FRAS1: variants seen among roughly 807,000 people sequenced by gnomAD.
The protein encoded by FRAS1 is Fraser extracellular matrix complex subunit 1.
In FRAS1, 290 loss-of-function variants were observed where a neutral mutation model predicts 435.2. That is an observed-to-expected ratio of 0.67 (90% CI 0.61 to 0.73). FRAS1 has a LOEUF of 0.73. Among genes scored for constraint, FRAS1 ranks in the 30% least tolerant of loss-of-function variants. The pLI is 0.00. For synonymous variants in FRAS1, 1,800 were observed against 1,851.0 expected (o/e 0.97, Z 0.71); for missense variants, 4,860 against 5,001.5 (o/e 0.97, Z 0.85).
intron 2 of FRAS1, among the ~76,000 whole-genome samples, chr4:78,151,751 T>C (rs1288864038): frequency 6.6e-6 from 1 of 152,134 alleles, no homozygotes; most frequent in Non-Finnish European, 1.5e-5. Flanking sequence ...AAGCATTCGG[T>C]TGCAATTCTC....
chr4:78,450,592 AG>A (rs1718990605), intron 45 of FRAS1: 1 of 450,214 alleles, frequency 2.2e-6, no homozygotes, highest in South Asian at 2.6e-5. Context: ...GGAGAGAAAA[AG>A]TTATTTTGAC....
intron 25 of FRAS1, 113 bp from the exon 26 acceptor site, chr4:78,375,626 A>T: frequency 1.2e-6 from 1 of 836,620 alleles, no homozygotes; most frequent in Non-Finnish European, 1.8e-6. Context: ...CTTTTGTTAC[A>T]GTTGGGGCTC....
In FRAS1 at chr4:78,400,720, T is replaced by C. The variant is rs775322788; in HGVS notation, c.3976-14T>C. 6.2e-7 allele frequency: 1 copy of C among 1,608,574 alleles called. No individual in the cohort carries two copies. Among genetic ancestry groups the C allele is most frequent in the Admixed American group, 1.7e-5 (1 of 58,414 alleles). The stretch of plus-strand genomic sequence containing the variant: ...TTTGCTTGGAACTAATTCTGCATTT[T>C]ATTTTTATTTCAGAATGACAGGGGT... On this transcript the variant is annotated splice_polypyrimidine_tract_variant and intron_variant, in intron 29 of 73. Coordinates refer to ENST00000512123, the MANE Select transcript of FRAS1 (RefSeq NM_025074.7).
In FRAS1 at chr4:78,384,088, A is replaced by T. The variant is rs761113187; in HGVS notation, c.3593A>T (p.Asp1198Val). Residue 1198 changes from aspartate (D) to valine (V), a missense_variant, in exon 28 of 74, where the codon GAC becomes GTC. Coordinates refer to ENST00000512123, the MANE Select transcript of FRAS1 (RefSeq NM_025074.7). ...GGTTACCTTTTCCTGAAAATTAGTG[A>T]CCAGCAGTTCTTCTCTGAGCCACAG... is the stretch of plus-strand genomic sequence containing the variant. Reference protein sequence around the residue: ...RKGYLFLKISDQQFFSEPQLI... With the variant: ...RKGYLFLKISVQQFFSEPQLI... 3.3e-5 allele frequency: 53 copies of T among 1,607,446 alleles called. No homozygotes were observed. The highest frequency in any genetic ancestry group is 4.4e-5 in the Non-Finnish European group (52 of 1,178,116).
chr4:78,237,495 T>C lies in FRAS1; in HGVS notation c.109-15T>C. ...ACTGATCAGTTTTTAAATCAGAGCT[T>C]ATGCCTCTTTACAGGATGCCACAAT... On this transcript the variant is annotated splice_polypyrimidine_tract_variant and intron_variant, in intron 2 of 73. Transcript: ENST00000512123. 5 of 1,589,876 alleles carry C rather than the reference T, an allele frequency of 3.1e-6. No individual in the cohort carries two copies. Among genetic ancestry groups the C allele is most frequent in the Non-Finnish European group, 4.3e-6 (5 of 1,158,752 alleles).
intron 66 of FRAS1, among the ~76,000 whole-genome samples, chr4:78,518,378 C>G (rs1417438784): frequency 7.1e-6 from 1 of 141,634 alleles, no homozygotes; most frequent in Non-Finnish European, 1.5e-5. Context: ...TAGTAATTAG[C>G]CAATGATAAA....
At position 78,507,495 on chromosome 4, in the gene FRAS1, G is replaced by A. The variant is rs751457235; in HGVS notation, c.9391G>A (p.Val3131Ile). The change falls in exon 62 of 74, where the codon GTC becomes ATC. Residue 3131 changes from valine (V) to isoleucine (I), a missense_variant. Val to Ile is a conservative substitution (Grantham distance 29). Transcript: ENST00000512123. ...DREWHESFSL[V>I]LGPDDPVEAV... ...GGAATGGCATGAATCTTTCTCACTA[G>A]TCCTTGGCCCAGATGACCCAGTGGA... 2 of 1,612,644 alleles carry A rather than the reference G, an allele frequency of 1.2e-6. No individual in the cohort carries two copies. The highest frequency in any genetic ancestry group is 1.7e-6 in the Non-Finnish European group (2 of 1,179,404).
At chr4:78,452,436 A>G in intron 47 of FRAS1, 82 bp downstream of exon 47, 3 of 1,050,886 alleles carry the variant, frequency 2.9e-6, no homozygotes, top group Non-Finnish European at 4.1e-6. Context: ...TGTATCATGT[A>G]TACCTAGAAT....
At chr4:78,438,757 A>C in intron 39 of FRAS1, 39 bp downstream of exon 39, 2 of 1,542,400 alleles carry the variant, frequency 1.3e-6, no homozygotes, top group Non-Finnish European at 1.8e-6. Flanking sequence ...GATTCTTAAA[A>C]ACTTGTATGA....
chr4:78,211,885 T>C (rs1723520720), intron 2 of FRAS1, among the ~76,000 whole-genome samples: 1 of 152,186 alleles, frequency 6.6e-6, no homozygotes, highest in South Asian at 2.1e-4. Context: ...TGGTAACCCC[T>C]CATCTACTTT....
intron 20 of FRAS1, among the ~76,000 whole-genome samples, chr4:78,359,725 C>T (rs1019967742): frequency 3.3e-5 from 5 of 152,180 alleles, no homozygotes; most frequent in East Asian, 3.9e-4. Flanking sequence ...TTTGCACACT[C>T]GAGTATTTGT....
At chr4:78,240,846 C>T (rs1724971904) in intron 3 of FRAS1, among the ~76,000 whole-genome samples, 1 of 152,036 alleles carries the variant, frequency 6.6e-6, no homozygotes, top group Non-Finnish European at 1.5e-5. Flanking sequence ...AAGCCATGGT[C>T]AGAGGGGTGA....
chr4:78,187,224 G>A (rs556646156), intron 2 of FRAS1, among the ~76,000 whole-genome samples: 3 of 152,292 alleles, frequency 2.0e-5, no homozygotes, highest in South Asian at 2.1e-4. Context: ...TTAATCAAGC[G>A]TGATGTTTTA....
chr4:78,522,380 A>T (rs1238519150), intron 68 of FRAS1, among the ~76,000 whole-genome samples: 1 of 152,192 alleles, frequency 6.6e-6, no homozygotes, highest in Non-Finnish European at 1.5e-5. Flanking sequence ...GAATATACTC[A>T]TTAGCACCAT....
intron 10 of FRAS1, among the ~76,000 whole-genome samples, chr4:78,279,448 G>T (rs1727215505): frequency 6.6e-6 from 1 of 152,190 alleles, no homozygotes; most frequent in Admixed American, 6.5e-5. Flanking sequence ...AAGGAAATGA[G>T]ACTGGAGGTA....
chr4:78,487,175 G>A (rs537636796), intron 58 of FRAS1, among the ~76,000 whole-genome samples: 13 of 152,138 alleles, frequency 8.5e-5, no homozygotes, highest in South Asian at 2.1e-4. Context: ...ACTGGGTTAC[G>A]GAGCCCTAAC....
At chr4:78,335,311 T>A (rs1730130001) in intron 19 of FRAS1, among the ~76,000 whole-genome samples, 1 of 152,148 alleles carries the variant, frequency 6.6e-6, no homozygotes, top group South Asian at 2.1e-4. Flanking sequence ...TGGTCAACAA[T>A]CTCTTACTCT....
intron 2 of FRAS1, among the ~76,000 whole-genome samples, chr4:78,124,255 G>T (rs1279855545): frequency 6.6e-6 from 1 of 152,162 alleles, no homozygotes; most frequent in Non-Finnish European, 1.5e-5. Flanking sequence ...CATTGGTTCT[G>T]TTTATATGAT....
intron 35 of FRAS1, among the ~76,000 whole-genome samples, chr4:78,428,838 A>G (rs1374117692): frequency 6.6e-6 from 1 of 152,206 alleles, no homozygotes; most frequent in African/African-American, 2.4e-5. Context: ...GTAGCCTCTT[A>G]GAATGATTTT....
Sources: allele counts gnomAD v4.1 joint callset (sites outside exome capture counted in the v4.1 genomes callset), GRCh38; gene constraint gnomAD v4.1.1; transcripts MANE v1.5; gene names NCBI Gene and HGNC (gene_info 2026-07-23, HGNC 2026-07-21).